The following LRRC39 variants were observed in gnomAD, a reference collection of about 807,000 sequenced individuals.
LRRC39 encodes leucine rich repeat containing 39.
Under a neutral mutation model 39.7 loss-of-function variants are expected in LRRC39, and 35 were observed. The ratio of observed to expected loss-of-function variants is 0.88; its 90% confidence interval spans 0.67 to 1.17. LRRC39 has a LOEUF of 1.17. Ranked by LOEUF, LRRC39 falls within the 50% of genes most tolerant of loss-of-function variation. The probability of loss-of-function intolerance (pLI) is 0.00; values close to 1 mark genes in which losing one functional copy is unlikely to be tolerated. For synonymous variants in LRRC39, 113 were observed against 134.1 expected (o/e 0.84, Z 1.09); for missense variants, 357 against 385.8 (o/e 0.93, Z 0.62).
intron 9 of LRRC39, chr1:100,150,042 A>T (rs1657816458): frequency 6.6e-6 from 1 of 152,402 alleles, no homozygotes; most frequent in Non-Finnish European, 1.5e-5. Context: ...GACCTTGGGC[A>T]TGCTACCTAA....
rs1349015020 is a variant in LRRC39, at chr1:100,152,541, AAAC to A, written c.813-20_813-18del. On this transcript the variant is annotated intron_variant, in intron 8 of 9. Coordinates refer to ENST00000370137, the MANE Select transcript of LRRC39 (RefSeq NM_144620.4). The stretch of plus-strand genomic sequence containing the variant: ...TTGACAAACCTAGAAGTTCATCAAA[AAAC>A]AGTATTTTTATAGGTGTCATGGAAG... 8.1e-6 allele frequency: 13 copies of A among 1,611,950 alleles called. No homozygotes were observed. Among genetic ancestry groups the A allele is most frequent in the Non-Finnish European group, 1.1e-5 (13 of 1,179,086 alleles).
rs1658126957 is a variant in LRRC39, at chr1:100,152,533, T to A, written c.813-9A>T. ...CTCTGAAGTTGACAAACCTAGAAGT[T>A]CATCAAAAAACAGTATTTTTATAGG... On this transcript the variant is annotated splice_polypyrimidine_tract_variant and intron_variant, in intron 8 of 9. Coordinates refer to ENST00000370137, the MANE Select transcript of LRRC39 (RefSeq NM_144620.4). 3 of 1,610,472 alleles carry A rather than the reference T, an allele frequency of 1.9e-6. No individual in the cohort carries two copies. In the African/African-American group the frequency reaches 4.0e-5, roughly 22 times the overall value.
chr1:100,179,499 C>CAAAAAAAAAAAAAA (rs60588308), upstream of LRRC39, among the ~76,000 whole-genome samples: 4 of 45,608 alleles, frequency 8.8e-5, no homozygotes, highest in African/African-American at 3.3e-4. Flanking sequence ...CTGTATCTAC[C>CAAAAAAAAAAAAAA]AAAAAAAAAA....
chr1:100,152,226 T>C (rs537945831), intron 9 of LRRC39, among the ~76,000 whole-genome samples, 159 bp downstream of exon 9: 8 of 152,336 alleles, frequency 5.3e-5, no homozygotes, highest in Admixed American at 5.2e-4. Flanking sequence ...TATTTCACTT[T>C]TTTTCTTCCC....
chr1:100,159,127 T>C, intron 5 of LRRC39, 132 bp downstream of exon 5: 2 of 651,068 alleles, frequency 3.1e-6, no homozygotes, highest in East Asian at 3.3e-5. Context: ...TCAATTTAGA[T>C]TAAATGTTTA....
chr1:100,160,157 G>A (rs75425839), intron 4 of LRRC39, among the ~76,000 whole-genome samples: 5,081 of 152,232 alleles, frequency 0.033, 102 homozygotes, highest in Non-Finnish European at 0.045. Context: ...CTTTGGAAAA[G>A]CAATATTATT....
intron 2 of LRRC39, among the ~76,000 whole-genome samples, chr1:100,171,322 GA>G (rs990691992): frequency 2.0e-5 from 3 of 151,660 alleles, no homozygotes; most frequent in Non-Finnish European, 2.9e-5. Flanking sequence ...AAGAGTCACA[GA>G]AAAAAAATCT....
rs1207968391 is a variant in LRRC39, at chr1:100,159,192, A to C, written c.376+67T>G. ...AGGTCTTTATTCCATGTATCCAAAAAAATCTTAATAAAAAGCACATCTGCA... is the reference window on the plus strand; with the variant it reads ...AGGTCTTTATTCCATGTATCCAAAACAATCTTAATAAAAAGCACATCTGCA... On this transcript the variant is annotated intron_variant, in intron 5 of 9. Transcript: ENST00000370137. The C allele has an allele frequency of 2.0e-5, 28 of 1,416,982 alleles. No individual in the cohort carries two copies. In the South Asian group the frequency reaches 3.0e-4, roughly 15 times the overall value. The allele number at this position is 1,416,982 out of a possible 1,614,324, so 87.8% of individuals were successfully genotyped here. A position where few individuals can be genotyped will look rare whatever the true frequency, so the allele number is the denominator to read the frequency against.
At position 100,148,726 on chromosome 1, in the gene LRRC39, C is replaced by T. The variant is rs535047013; in HGVS notation, c.*316G>A. ...TTGCAGCAGAAGGGATTCAGTCCTG[C>T]TTTGCAGTACTATACAGACCCTCTG... On this transcript the variant is annotated 3_prime_UTR_variant, in exon 10 of 10. Transcript: ENST00000370137. The T allele has an allele frequency of 6.2e-7, 1 of 1,613,138 alleles. No individual in the cohort carries two copies. The highest frequency in any genetic ancestry group is 2.2e-5 in the East Asian group (1 of 44,800).
At chr1:100,174,754 A>G (rs1467102859) in intron 1 of LRRC39, among the ~76,000 whole-genome samples, 5 of 152,246 alleles carry the variant, frequency 3.3e-5, no homozygotes, top group Non-Finnish European at 4.4e-5. Flanking sequence ...TCCTTAAAGT[A>G]GAGAACACTT....
chr1:100,173,724 G>A (rs1271988067), intron 1 of LRRC39, among the ~76,000 whole-genome samples: 1 of 152,026 alleles, frequency 6.6e-6, no homozygotes, highest in Non-Finnish European at 1.5e-5. Context: ...AAATCCAGGA[G>A]AATTTACAAC....
chr1:100,155,097 T>G lies in LRRC39; in HGVS notation c.766A>C (p.Lys256Gln). 2 of 1,608,922 alleles carry G rather than the reference T, an allele frequency of 1.2e-6. No individual in the cohort carries two copies. The highest frequency in any genetic ancestry group is 1.7e-6 in the Non-Finnish European group (2 of 1,178,380). ...NLGTLVLSNNKLQDIPVCMEE... is the reference protein window; with the variant it reads ...NLGTLVLSNNQLQDIPVCMEE... The stretch of plus-strand genomic sequence containing the variant: ...ATGCATACTGGAATATCTTGCAGTT[T>G]ATTGTTGCTGAGAACAAGAGTACCC... Residue 256 changes from lysine (K) to glutamine (Q), a missense_variant, in exon 8 of 10, where the codon AAA (lysine) becomes CAA (glutamine). Transcript: ENST00000370137.
chr1:100,148,473 G>T lies in LRRC39; in HGVS notation c.*569C>A. The T allele has an allele frequency of 9.3e-7, 1 of 1,071,046 alleles. No individual in the cohort carries two copies. Among genetic ancestry groups the T allele is most frequent in the Non-Finnish European group, 1.3e-6 (1 of 745,516 alleles). 66.3% of individuals were successfully genotyped at this position (1,071,046 alleles called of 1,614,324 possible). A position where few individuals can be genotyped will look rare whatever the true frequency, so the allele number is the denominator to read the frequency against. ...TAAAATATACACATCTTTTATTGTG[G>T]TCATAAATATAATGTGTCTTGGAAG... On this transcript the variant is annotated 3_prime_UTR_variant, in exon 10 of 10. Transcript: ENST00000370137.
chr1:100,167,784 T>C (rs964947854), intron 3 of LRRC39, among the ~76,000 whole-genome samples: 4 of 70,270 alleles, frequency 5.7e-5, no homozygotes, highest in African/African-American at 4.3e-4. Flanking sequence ...TCAAAAATAA[T>C]AATAATAATA....
At chr1:100,170,915 A>G (rs538194146) in intron 2 of LRRC39, among the ~76,000 whole-genome samples, 2 of 152,296 alleles carry the variant, frequency 1.3e-5, no homozygotes, top group African/African-American at 4.8e-5. Context: ...AAGATATACT[A>G]TGCAAACACT....
chr1:100,172,275 CA>C (rs1321631929), intron 2 of LRRC39, among the ~76,000 whole-genome samples: 1 of 152,094 alleles, frequency 6.6e-6, no homozygotes, highest in African/African-American at 2.4e-5. Flanking sequence ...TGCTTGATAC[CA>C]AACCCCAAGA....
At chr1:100,156,060 A>T in intron 7 of LRRC39, 112 bp downstream of exon 7, 1 of 929,070 alleles carries the variant, frequency 1.1e-6, no homozygotes, top group South Asian at 2.0e-5. Flanking sequence ...ATTTCAAACT[A>T]GTTGGACCTA....
chr1:100,149,251 A>G (rs1235139698), intron 9 of LRRC39, 154 bp from the exon 10 acceptor site: 4 of 1,510,990 alleles, frequency 2.6e-6, no homozygotes, highest in Non-Finnish European at 3.5e-6. Flanking sequence ...TGAGAATTTG[A>G]CTTATATGTG....
rs758772307 is a variant in LRRC39 at position 100,152,451 on chromosome 1, C to T, written c.886G>A (p.Glu296Lys). 8 of 1,593,854 alleles carry T rather than the reference C, an allele frequency of 5.0e-6. No individual in the cohort carries two copies. In the East Asian group the frequency reaches 1.3e-4, roughly 27 times the overall value. The part of the protein sequence containing the change: ...LPPSEGTDEE[E>K]ERELFGLQFM... ...TGAAGGCCAAATAATTCCCGTTCCT[C>T]TTCTTCATCTGTGCCTTCACTGGGA... is the stretch of plus-strand genomic sequence containing the variant. Residue 296 changes from glutamate (E) to lysine (K), a missense_variant, in exon 9 of 10, where the codon GAG becomes AAG. Coordinates refer to ENST00000370137, the MANE Select transcript of LRRC39 (RefSeq NM_144620.4).
Sources: allele counts gnomAD v4.1 joint callset (sites outside exome capture counted in the v4.1 genomes callset), GRCh38; gene constraint gnomAD v4.1.1; transcripts MANE v1.5; gene names NCBI Gene and HGNC (gene_info 2026-07-23, HGNC 2026-07-21).